The following ZFHX3 variants were observed in gnomAD, a reference collection of about 807,000 sequenced individuals.
The protein encoded by ZFHX3 is zinc finger homeobox protein 3.
In ZFHX3, 42 loss-of-function variants were observed where a neutral mutation model predicts 279.1. The observed-to-expected ratio is 0.15, with a 90% CI of 0.12 to 0.19. ZFHX3 has a LOEUF of 0.19. Among genes scored for constraint, ZFHX3 ranks in the 10% least tolerant of loss-of-function variants. The probability of loss-of-function intolerance (pLI) is 1.00; values close to 1 mark genes in which losing one functional copy is unlikely to be tolerated. For synonymous variants in ZFHX3, 2,293 were observed against 1,957.8 expected (o/e 1.17, Z -4.52); for missense variants, 4,981 against 4,754.0 (o/e 1.05, Z -1.40).
intron 5 of ZFHX3, among the ~76,000 whole-genome samples, chr16:73,170,772 C>T (rs1238732721): frequency 6.6e-6 from 1 of 152,120 alleles, no homozygotes; most frequent in Non-Finnish European, 1.5e-5. Flanking sequence ...CCTGTCTCCC[C>T]AGGAAGTGTC....
intron 2 of ZFHX3, among the ~76,000 whole-genome samples, chr16:73,665,386 G>GT (rs1461912230): frequency 6.6e-6 from 1 of 151,790 alleles, no homozygotes; most frequent in East Asian, 1.9e-4. Context: ...GCTAATTTTT[G>GT]TATTTTTAGT....
chr16:72,897,235 C>T (rs915648365), intron 3 of ZFHX3, among the ~76,000 whole-genome samples: 2 of 152,194 alleles, frequency 1.3e-5, no homozygotes, highest in Non-Finnish European at 1.5e-5. Context: ...AACCACAGCA[C>T]GCAACAGCTT....
chr16:73,490,460 C>T (rs186407441), intron 2 of ZFHX3, among the ~76,000 whole-genome samples: 9 of 152,282 alleles, frequency 5.9e-5, no homozygotes, highest in Admixed American at 3.3e-4. Flanking sequence ...GGACCTGATA[C>T]GTCTGAAATA....
intron 5 of ZFHX3, among the ~76,000 whole-genome samples, chr16:72,816,009 T>C (rs567607202): frequency 1.3e-5 from 2 of 152,284 alleles, no homozygotes; most frequent in South Asian, 2.1e-4. Flanking sequence ...GGAAAAATCA[T>C]TGAGAATGCA....
intron 2 of ZFHX3, among the ~76,000 whole-genome samples, chr16:73,647,704 T>C (rs1023476422): frequency 3.9e-5 from 6 of 152,178 alleles, no homozygotes; most frequent in Non-Finnish European, 5.9e-5. Context: ...GATTAAAGAT[T>C]TTCCAGTTTA....
intron 2 of ZFHX3, among the ~76,000 whole-genome samples, chr16:73,636,776 A>C (rs1010680610): frequency 3.9e-5 from 6 of 152,220 alleles, no homozygotes; most frequent in Non-Finnish European, 5.9e-5. Context: ...AAATAGACAA[A>C]GTCATGTTTG....
rs114019776 is a variant in ZFHX3, at chr16:72,845,504, C to A, written c.3449-15645G>T. On this transcript the variant is annotated intron_variant, in intron 4 of 9. Transcript: ENST00000268489. Reference sequence around the variant, plus strand: ...CACGCCCGGCCCTGAACCAGGCCTGCGTGGGCTCTCCGCCCCCAACTCACA... The same window carrying A: ...CACGCCCGGCCCTGAACCAGGCCTGAGTGGGCTCTCCGCCCCCAACTCACA... Among the ~76,000 whole-genome samples the A allele has an allele frequency of 7.9e-3, 1,200 of 152,294 alleles. 22 individuals carry two copies. Among genetic ancestry groups the A allele is most frequent in the African/African-American group, 0.028 (1,148 of 41,576 alleles).
At chr16:73,174,033 A>T (rs1188126459) in intron 5 of ZFHX3, among the ~76,000 whole-genome samples, 1 of 152,150 alleles carries the variant, frequency 6.6e-6, no homozygotes, top group African/African-American at 2.4e-5. Context: ...GGCTCCCAAA[A>T]TTCCCAAGTG....
rs1474887073 is a variant in ZFHX3 at position 72,839,204 on chromosome 16, C to G, written c.3449-9345G>C. Among the ~76,000 whole-genome samples, 2 of 152,074 alleles carry G rather than the reference C, an allele frequency of 1.3e-5. 1 individual carries two copies. Reference sequence around the variant, plus strand: ...AGGCCCATCTCTCCCTTCCCCCCCCCATTTTCCAGTCCAAATAACCATGAA... The same window carrying G: ...AGGCCCATCTCTCCCTTCCCCCCCCGATTTTCCAGTCCAAATAACCATGAA... On this transcript the variant is annotated intron_variant, in intron 4 of 9. Transcript: ENST00000268489.
At chr16:73,418,435 G>T (rs891155321) in intron 3 of ZFHX3, among the ~76,000 whole-genome samples, 6 of 152,202 alleles carry the variant, frequency 3.9e-5, no homozygotes, top group Non-Finnish European at 8.8e-5. Flanking sequence ...AAGGAGTGGT[G>T]GGGGGAAGAG....
At chr16:72,987,917 C>G (rs1173137493) in intron 1 of ZFHX3, among the ~76,000 whole-genome samples, 2 of 152,164 alleles carry the variant, frequency 1.3e-5, no homozygotes, top group East Asian at 3.9e-4. Flanking sequence ...GCTGGACGCC[C>G]TATTCATTCA....
chr16:73,477,643 G>A (rs895120228), intron 2 of ZFHX3, among the ~76,000 whole-genome samples: 2 of 152,174 alleles, frequency 1.3e-5, no homozygotes, highest in South Asian at 2.1e-4. Flanking sequence ...TGCACACCAC[G>A]GGCCCCAGCA....
intron 1 of ZFHX3, among the ~76,000 whole-genome samples, chr16:73,711,840 G>A (rs527654633): frequency 7.7e-4 from 117 of 152,310 alleles, no homozygotes; most frequent in Admixed American, 7.2e-4. Context: ...AGGCTCAGGA[G>A]AGAGCTCTCT....
chr16:73,591,222 G>A (rs919526841), intron 2 of ZFHX3, among the ~76,000 whole-genome samples: 1 of 151,874 alleles, frequency 6.6e-6, no homozygotes, highest in Non-Finnish European at 1.5e-5. Context: ...GCATGGTGGT[G>A]GGCGCTTGTA....
At chr16:73,738,292 T>G (rs2142256893) in intron 1 of ZFHX3, among the ~76,000 whole-genome samples, 1 of 152,324 alleles carries the variant, frequency 6.6e-6, no homozygotes, top group African/African-American at 2.4e-5. Flanking sequence ...AACCTTGTGC[T>G]TTCAGCCTGA....
chr16:73,295,132 G>A lies in ZFHX3; in HGVS notation c.-1194+23108C>T, dbSNP rs552904490. Among the ~76,000 whole-genome samples the A allele has an allele frequency of 3.7e-4, 56 of 151,202 alleles. 1 individual carries two copies. The South Asian group carries it at 0.01, about 27-fold the overall frequency. ...AGGGAGGCTGAGGCAGGAGAATGGC[G>A]TGAACCCGGGAGGCGGAGCTTGCAG... On this transcript the variant is annotated intron_variant, in intron 4 of 17. Transcript: ENST00000641206.
chr16:73,663,028 C>G (rs1341785251), intron 2 of ZFHX3, among the ~76,000 whole-genome samples: 1 of 152,024 alleles, frequency 6.6e-6, no homozygotes, highest in Non-Finnish European at 1.5e-5. Context: ...TAGGCATACT[C>G]CAAAACTCAG....
chr16:73,873,986 A>G (rs963826357), intron 1 of ZFHX3, among the ~76,000 whole-genome samples: 2 of 152,198 alleles, frequency 1.3e-5, no homozygotes, highest in African/African-American at 4.8e-5. Flanking sequence ...AGAAAAAAAA[A>G]AGAAACAAAG....
chr16:73,105,464 C>T (rs1378872704), intron 7 of ZFHX3, among the ~76,000 whole-genome samples: 143 of 109,728 alleles, frequency 1.3e-3, no homozygotes, highest in South Asian at 2.1e-3. Flanking sequence ...TATATTTTTT[C>T]CCCCAGGCCA....
Sources: gnomAD v4.1 joint callset for allele counts (sites outside exome capture counted in the v4.1 genomes callset) on GRCh38, gnomAD v4.1.1 for gene constraint, MANE v1.5 for transcripts, NCBI Gene and HGNC (gene_info 2026-07-23, HGNC 2026-07-21) for gene names.